KIRREL3: variants seen among roughly 807,000 people sequenced by gnomAD.
KIRREL3 encodes kin of IRRE-like protein 3.
A neutral mutation model predicts 89.7 loss-of-function variants in KIRREL3; 36 were observed. The observed-to-expected ratio is 0.40, with a 90% CI of 0.31 to 0.53. The LOEUF (loss-of-function observed/expected upper bound fraction) is 0.53. Ranked by LOEUF, KIRREL3 falls within the 20% of genes least tolerant of loss-of-function variation. The pLI is 0.49. For missense variants in KIRREL3, 864 were observed against 1,056.6 expected, an observed-to-expected ratio of 0.82 and a Z score of 2.53; for synonymous variants, 445 against 441.4, an observed-to-expected ratio of 1.01 and a Z score of -0.10.
intron 6 of KIRREL3, among the ~76,000 whole-genome samples, chr11:126,458,547 C>T (rs577125444): frequency 4.6e-5 from 7 of 152,334 alleles, no homozygotes; most frequent in Admixed American, 2.6e-4. Context: ...GTGCCAGGCA[C>T]GGGAGCTGGC....
rs1957752040 is a variant in KIRREL3, at chr11:126,498,645, G to A, written c.433+22670C>T. Reference sequence around the variant, plus strand: ...AGGAGGGGAAGGGGCCCGTGACCTGGCACCCTGTGACGACAAGCAGAGGAG... The same window carrying A: ...AGGAGGGGAAGGGGCCCGTGACCTGACACCCTGTGACGACAAGCAGAGGAG... On this transcript the variant is annotated intron_variant, in intron 4 of 16. Coordinates refer to ENST00000525144, the MANE Select transcript of KIRREL3 (RefSeq NM_032531.4). The surrounding 1 kb of genome is among the most constrained non-coding windows in gnomAD (Gnocchi z 4.3). Among the ~76,000 whole-genome samples, 1 of 152,214 alleles carries A rather than the reference G, an allele frequency of 6.6e-6. No homozygotes were observed. The highest frequency in any genetic ancestry group is 6.5e-5 in the Admixed American group (1 of 15,284).
intron 2 of KIRREL3, chr11:126,549,266 T>C (rs1939065661): frequency 6.6e-6 from 1 of 152,130 alleles, no homozygotes; most frequent in African/African-American, 2.4e-5. Context: ...ACTCCTCCCA[T>C]ACCAGTAACA....
Position 126,477,533 on chromosome 11 carries a change from G to C in KIRREL3, c.434-4067C>G, listed in dbSNP as rs1157159055. ...AGAAGGGTGAGGGTGGGCTTGGGACGCACATCCTGGCTGTAACTGGAGAGG... is the reference window on the plus strand; with the variant it reads ...AGAAGGGTGAGGGTGGGCTTGGGACCCACATCCTGGCTGTAACTGGAGAGG... On this transcript the variant is annotated intron_variant, in intron 4 of 16. Coordinates refer to ENST00000525144, the MANE Select transcript of KIRREL3 (RefSeq NM_032531.4). This position sits in a 1 kb window ranked among gnomAD's most constrained non-coding sequence, Gnocchi z 4.8. 6.6e-6 allele frequency among the ~76,000 whole-genome samples: 1 copy of C among 152,172 alleles called. No homozygotes were observed. The highest frequency in any genetic ancestry group is 2.4e-5 in the African/African-American group (1 of 41,434).
At chr11:127,003,062 C>T (rs554019799), upstream of KIRREL3, 27 of 152,296 alleles carry the variant, frequency 1.8e-4, no homozygotes, top group African/African-American at 6.5e-4. Flanking sequence ...TGGGCCTGTT[C>T]CCCTCTCCAC....
Position 126,436,853 on chromosome 11 carries a change from T to C in KIRREL3, c.1510A>G (p.Ser504Gly). The change falls in exon 12 of 17, where the codon AGC becomes GGC. Residue 504 changes from serine (S) to glycine (G), a missense_variant. By Grantham distance (56) the Ser-to-Gly change is moderately conservative. Transcript: ENST00000525144. The part of the protein sequence containing the change: ...QTIYNCTAWN[S>G]FGSDTEIIRL... ...ATGATCTCAGTGTCGGAGCCGAAGC[T>C]GTTCCAGGCCGTGCAGTTGTAGATG... 3 of 1,613,778 alleles carry C rather than the reference T, an allele frequency of 1.9e-6. No homozygotes were observed. The highest frequency in any genetic ancestry group is 2.5e-6 in the Non-Finnish European group (3 of 1,179,884).
At position 126,995,398 on chromosome 11, in the gene KIRREL3, GGACGAGTTCAGT is replaced by G. The variant is rs1358673875; in HGVS notation, c.55+5045_55+5056del. 2.2e-6 allele frequency: 1 copy of G among 452,580 alleles called. No homozygotes were observed. The highest frequency in any genetic ancestry group is 4.5e-6 in the Non-Finnish European group (1 of 224,126). The allele number at this position is 452,580 out of a possible 1,614,324, so 28.0% of individuals were successfully genotyped here. On this transcript the variant is annotated intron_variant, in intron 1 of 16. Transcript: ENST00000525144. The surrounding 1 kb of genome is among the most constrained non-coding windows in gnomAD (Gnocchi z 6.5). The stretch of plus-strand genomic sequence containing the variant: ...TAGAACACCCCTCTTCCCAGGCACA[GGACGAGTTCAGT>G]GCCTCTCTGTTTCTTGATGGACCCC...
rs535267457 is a variant in KIRREL3 at position 126,459,709 on chromosome 11, T to C, written c.743-3255A>G. ...AGCTGAGAGTCTGTTAGTGTTTCCA[T>C]CCGCCCGTGTGTGCGTGTGTCCATG... On this transcript the variant is annotated intron_variant, in intron 6 of 16. Transcript: ENST00000525144. This position sits in a 1 kb window ranked among gnomAD's most constrained non-coding sequence, Gnocchi z 4.8. Among the ~76,000 whole-genome samples, 2 of 152,304 alleles carry C rather than the reference T, an allele frequency of 1.3e-5. No homozygotes were observed. The highest frequency in any genetic ancestry group is 3.9e-4 in the East Asian group (2 of 5,180).
intron 1 of KIRREL3, among the ~76,000 whole-genome samples, chr11:126,603,489 G>A (rs1040351016): frequency 3.3e-4 from 51 of 152,324 alleles, no homozygotes; most frequent in Middle Eastern, 3.4e-3. Flanking sequence ...AAGCAGGGAG[G>A]GCCACAGAAG....
intron 1 of KIRREL3, among the ~76,000 whole-genome samples, chr11:126,580,601 C>T (rs56318798): frequency 0.2 from 31,139 of 152,058 alleles, 4,008 homozygotes; most frequent in South Asian, 0.4. Context: ...GCCTCTAGTT[C>T]GCCCTGGCCC....
At chr11:126,662,906 C>CTTTTTTTTTT (rs756193928) in intron 1 of KIRREL3, among the ~76,000 whole-genome samples, 12 of 91,894 alleles carry the variant, frequency 1.3e-4, no homozygotes, top group South Asian at 4.3e-4. Flanking sequence ...AAAGTCCTTT[C>CTTTTTTTTTT]TTTTTTTTTT....
intron 1 of KIRREL3, among the ~76,000 whole-genome samples, chr11:126,899,010 G>GA (rs1555079811): frequency 4.1e-5 from 1 of 24,316 alleles, no homozygotes; most frequent in Non-Finnish European, 6.3e-5. Flanking sequence ...AGGGGAGTTT[G>GA]GGGGGGGTCT....
intron 5 of KIRREL3, among the ~76,000 whole-genome samples, chr11:126,467,599 C>T (rs978199664): frequency 1.3e-5 from 2 of 151,928 alleles, no homozygotes; most frequent in African/African-American, 4.8e-5. Context: ...CGCTTCTCCC[C>T]GCTACTCACC....
At position 126,526,537 on chromosome 11, in the gene KIRREL3, C is replaced by T. The variant is rs1419938449; in HGVS notation, c.283+1G>A. On this transcript the variant is annotated splice_donor_variant, in intron 3 of 16. Transcript: ENST00000525144. LOFTEE classifies it high-confidence loss of function. This position sits in a 1 kb window ranked among gnomAD's most constrained non-coding sequence, Gnocchi z 5.7. ...ACCCCAGGAGGTCTGGAGGTACTCACTTGAGAGGTCCCTGCCCACACCCAG... is the reference window on the plus strand; with the variant it reads ...ACCCCAGGAGGTCTGGAGGTACTCATTTGAGAGGTCCCTGCCCACACCCAG... The T allele has an allele frequency of 1.9e-6, 3 of 1,612,144 alleles. No homozygotes were observed. In the African/African-American group the frequency reaches 4.0e-5, roughly 22 times the overall value.
At chr11:126,893,555 A>C (rs1257280324) in intron 1 of KIRREL3, among the ~76,000 whole-genome samples, 2 of 152,162 alleles carry the variant, frequency 1.3e-5, no homozygotes, top group East Asian at 3.9e-4. Flanking sequence ...TGAACCGGCC[A>C]CCTGAAGGTC....
intron 1 of KIRREL3, among the ~76,000 whole-genome samples, chr11:126,930,098 T>G (rs2135048494): frequency 6.9e-6 from 1 of 145,582 alleles, no homozygotes; most frequent in South Asian, 2.2e-4. Context: ...TTCCCATTTG[T>G]GTGCTTAAAA....
In KIRREL3 at chr11:126,445,069, C is replaced by T; in HGVS notation, c.1162G>A (p.Val388Met). The T allele has an allele frequency of 3.1e-6, 5 of 1,613,914 alleles. No individual in the cohort carries two copies. Among genetic ancestry groups the T allele is most frequent in the Non-Finnish European group, 3.4e-6 (4 of 1,179,878 alleles). Residue 388 changes from valine to methionine, a missense_variant, in exon 10 of 17, where the codon GTG becomes ATG. Transcript: ENST00000525144. ...SNEKTLTLKS[V>M]RQEDAGKYVC... Reference sequence around the variant, plus strand: ...TACTTGCCCGCGTCCTCCTGGCGCACGGATTTGAGGGTCAGGGTCTTCTCA... The same window carrying T: ...TACTTGCCCGCGTCCTCCTGGCGCATGGATTTGAGGGTCAGGGTCTTCTCA...
Position 126,948,789 on chromosome 11 carries a change from G to A in KIRREL3, c.55+51666C>T, listed in dbSNP as rs1948693760. Among the ~76,000 whole-genome samples, 1 of 152,176 alleles carries A rather than the reference G, an allele frequency of 6.6e-6. No homozygotes were observed. The highest frequency in any genetic ancestry group is 6.5e-5 in the Admixed American group (1 of 15,284). ...TTCAACTCCAGCAAGGCAGACAGCTGGATATGGGGAGGAGTTCAGAAGCCA... is the reference window on the plus strand; with the variant it reads ...TTCAACTCCAGCAAGGCAGACAGCTAGATATGGGGAGGAGTTCAGAAGCCA... On this transcript the variant is annotated intron_variant, in intron 1 of 16. Coordinates refer to ENST00000525144, the MANE Select transcript of KIRREL3 (RefSeq NM_032531.4). This position sits in a 1 kb window ranked among gnomAD's most constrained non-coding sequence, Gnocchi z 4.5.
intron 1 of KIRREL3, among the ~76,000 whole-genome samples, chr11:126,751,143 C>T (rs1949322293): frequency 1.3e-5 from 2 of 152,188 alleles, no homozygotes; most frequent in African/African-American, 2.4e-5. Context: ...TGTCGGAATG[C>T]ATCCTGTAGC....
chr11:126,718,239 A>T (rs923695569), intron 1 of KIRREL3, among the ~76,000 whole-genome samples: 2 of 152,070 alleles, frequency 1.3e-5, no homozygotes, highest in Non-Finnish European at 2.9e-5. Context: ...CTGCAGCCAG[A>T]CACCCACCTC....
Sources: allele counts gnomAD v4.1 joint callset (sites outside exome capture counted in the v4.1 genomes callset), GRCh38; gene constraint gnomAD v4.1.1; non-coding constraint Gnocchi (gnomAD v3.1); transcripts MANE v1.5; gene names NCBI Gene and HGNC (gene_info 2026-07-23, HGNC 2026-07-21).